Variants in SEL1L2 observed in about 807,000 individuals in gnomAD.
SEL1L2 encodes the protein SEL1L2 adaptor subunit of SYVN1 ubiquitin ligase, also known as protein sel-1 homolog 2.
SEL1L2 carries 89 observed loss-of-function variants against 98.8 expected under a neutral mutation model. The ratio of observed to expected loss-of-function variants is 0.90; its 90% CI spans 0.76 to 1.07. The LOEUF is 1.07. SEL1L2 is among the 50% of genes least tolerant of loss of function. The probability of loss-of-function intolerance (pLI) is 0.00; values close to 1 mark genes in which losing one functional copy is unlikely to be tolerated. For missense variants in SEL1L2, 788 were observed against 812.0 expected (o/e 0.97, Z 0.36); for synonymous variants, 262 against 278.5 (o/e 0.94, Z 0.59).
intron 14 of SEL1L2, among the ~76,000 whole-genome samples, chr20:13,868,742 G>T (rs2046041964): frequency 6.6e-6 from 1 of 151,822 alleles, no homozygotes; most frequent in African/African-American, 2.4e-5. Flanking sequence ...CGAGTAGCTG[G>T]GACTACAGGC....
intron 2 of SEL1L2, among the ~76,000 whole-genome samples, chr20:13,939,040 G>GTTT (rs386365633): frequency 6.1e-5 from 7 of 114,088 alleles, no homozygotes; most frequent in Middle Eastern, 4.9e-3. Flanking sequence ...TGCTTGTTTT[G>GTTT]TTTTTTTTTT....
At chr20:13,956,169 A>G in intron 1 of SEL1L2, 38 bp from the exon 2 acceptor site, 1 of 1,118,052 alleles carries the variant, frequency 8.9e-7, no homozygotes. Context: ...ATTTAAAAGC[A>G]TTTTCTTTTT....
chr20:13,915,073 C>T (rs2048346671), intron 4 of SEL1L2: 1 of 1,259,170 alleles, frequency 7.9e-7, no homozygotes, highest in African/African-American at 1.5e-5. Flanking sequence ...AAAAAAACCC[C>T]ATAAAAATCT....
chr20:13,865,744 C>T (rs372182140), intron 15 of SEL1L2, among the ~76,000 whole-genome samples: 2 of 152,066 alleles, frequency 1.3e-5, no homozygotes, highest in South Asian at 4.1e-4. Context: ...AGGGAAACTT[C>T]CTCAGCCTTA....
At chr20:13,918,704 C>T (rs1481559635) in intron 4 of SEL1L2, among the ~76,000 whole-genome samples, 1 of 152,210 alleles carries the variant, frequency 6.6e-6, no homozygotes, top group African/African-American at 2.4e-5. Flanking sequence ...ATTCAAATAA[C>T]ACATTTTATT....
At chr20:13,896,845 C>T (rs922340504) in intron 5 of SEL1L2, among the ~76,000 whole-genome samples, 1 of 152,118 alleles carries the variant, frequency 6.6e-6, no homozygotes, top group East Asian at 1.9e-4. Context: ...AAAACAATTA[C>T]AGATTTAATG....
chr20:13,936,440 A>G (rs560387242), intron 2 of SEL1L2, among the ~76,000 whole-genome samples: 1 of 152,284 alleles, frequency 6.6e-6, no homozygotes, highest in Admixed American at 6.5e-5. Context: ...AAGATTTACA[A>G]CTTCCCCAAT....
chr20:13,958,612 G>A (rs111859796), intron 1 of SEL1L2, among the ~76,000 whole-genome samples: 12 of 152,194 alleles, frequency 7.9e-5, no homozygotes, highest in African/African-American at 2.9e-4. Context: ...AACTGCTAAC[G>A]AACGCACAGT....
chr20:13,953,227 T>C (rs2148432293), intron 2 of SEL1L2, among the ~76,000 whole-genome samples: 1 of 152,350 alleles, frequency 6.6e-6, no homozygotes, highest in East Asian at 1.9e-4. Flanking sequence ...CTTGGGATTT[T>C]TGATGTGTCC....
At chr20:13,893,563 C>G (rs1051539259) in intron 5 of SEL1L2, among the ~76,000 whole-genome samples, 4 of 152,118 alleles carry the variant, frequency 2.6e-5, no homozygotes, top group Non-Finnish European at 5.9e-5. Flanking sequence ...AGTAACGCAA[C>G]AGTAGGAGAT....
chr20:13,859,823 C>T (rs1989803568), intron 17 of SEL1L2, among the ~76,000 whole-genome samples: 1 of 152,152 alleles, frequency 6.6e-6, no homozygotes, highest in Non-Finnish European at 1.5e-5. Context: ...CCTCAATCTC[C>T]CAAGTAGCTG....
intron 5 of SEL1L2, among the ~76,000 whole-genome samples, chr20:13,892,206 T>C (rs189724436): frequency 1.3e-5 from 2 of 152,248 alleles, no homozygotes; most frequent in African/African-American, 2.4e-5. Context: ...TCCCAGCACT[T>C]TGGGAGGCCG....
At chr20:13,849,659 G>A (rs538776775) in intron 19 of SEL1L2, 55 bp from the exon 20 acceptor site, 2 of 1,593,394 alleles carry the variant, frequency 1.3e-6, no homozygotes, top group South Asian at 2.3e-5. Context: ...CCTCCACTCA[G>A]AGCCACCATC....
upstream of SEL1L2, among the ~76,000 whole-genome samples, chr20:13,990,770 G>C (rs763359993): frequency 3.4e-4 from 52 of 152,320 alleles, no homozygotes; most frequent in Middle Eastern, 3.4e-3. Context: ...GAAGATAAGG[G>C]GTAGGCTAGA....
intron 18 of SEL1L2, among the ~76,000 whole-genome samples, chr20:13,851,942 A>G (rs1988333323): frequency 1.3e-5 from 2 of 152,182 alleles, no homozygotes; most frequent in Non-Finnish European, 2.9e-5. Flanking sequence ...GGTCTGGTAA[A>G]TTGATTTGTT....
intron 4 of SEL1L2, chr20:13,915,369 A>T (rs1049994470): frequency 4.9e-6 from 3 of 608,782 alleles, no homozygotes; most frequent in Non-Finnish European, 7.4e-6. Context: ...GGGAAGGCAA[A>T]CAAGGCAGAT....
intron 5 of SEL1L2, 132 bp downstream of exon 5, chr20:13,913,650 G>T: frequency 2.6e-6 from 2 of 758,518 alleles, no homozygotes; most frequent in Non-Finnish European, 3.8e-6. Flanking sequence ...CTGTTTCAGT[G>T]CATTATGGTA....
At chr20:13,918,378 G>A (rs969876884) in intron 4 of SEL1L2, among the ~76,000 whole-genome samples, 1 of 152,196 alleles carries the variant, frequency 6.6e-6, no homozygotes, top group Non-Finnish European at 1.5e-5. Flanking sequence ...CACTGGAAGT[G>A]TGGAGTGGAG....
At chr20:13,939,352 T>C (rs1178058934) in intron 2 of SEL1L2, among the ~76,000 whole-genome samples, 1 of 151,862 alleles carries the variant, frequency 6.6e-6, no homozygotes, top group African/African-American at 2.4e-5. Flanking sequence ...CAAAATATAG[T>C]GTTTTTTAAT....
Sources: gnomAD v4.1 joint callset for allele counts (sites outside exome capture counted in the v4.1 genomes callset) on GRCh38, gnomAD v4.1.1 for gene constraint, MANE v1.5 for transcripts, NCBI Gene and HGNC (gene_info 2026-07-23, HGNC 2026-07-21) for gene names.